GLDC: variants seen among roughly 807,000 people sequenced by gnomAD.
GLDC encodes glycine dehydrogenase (decarboxylating), mitochondrial.
In GLDC, 104 loss-of-function variants were observed where a neutral mutation model predicts 121.3. The ratio of observed to expected loss-of-function variants is 0.86; its 90% confidence interval spans 0.73 to 1.01. GLDC has a LOEUF of 1.01. Among genes scored for constraint, GLDC ranks in the 50% least tolerant of loss-of-function variants. GLDC has a pLI of 0.00. For synonymous variants in GLDC, 546 were observed against 480.6 expected (o/e 1.14, Z -1.78); for missense variants, 1,429 against 1,306.6 (o/e 1.09, Z -1.44).
rs112299567 is a variant in GLDC, at chr9:6,533,061, C to A, written c.3019G>T (p.Val1007Phe). 6.2e-7 allele frequency: 1 copy of A among 1,612,278 alleles called. No homozygotes were observed. The highest frequency in any genetic ancestry group is 8.5e-7 in the Non-Finnish European group (1 of 1,178,300). The change falls in exon 25 of 25, where the codon GTT becomes TTT. Residue 1007 changes from valine (V) to phenylalanine (F), a missense_variant. Transcript: ENST00000321612. ...HLVCTCPPME[V>F]YESPFSEQKR... ...TGTTCAGAAAATGGAGACTCATAAA[C>A]TTCCATGGGTGGGCAGGTACAAACC...
At chr9:6,588,254 A>G in intron 14 of GLDC, 147 bp downstream of exon 14, 1 of 749,278 alleles carries the variant, frequency 1.3e-6, no homozygotes, top group South Asian at 1.4e-5. Context: ...TACTCCCAAG[A>G]TTGGTGAATA....
rs780018765 is a variant in GLDC, at chr9:6,595,045, C to A, written c.1230G>T (p.Arg410Ser). ...ACAAAATCAAAGTGGCATTATGTAC[C>A]CTCCTAGCAATATGCTCCAGCCCAT... ...GSHGLEHIAR[R>S]VHNATLILSE... The change falls in exon 9 of 25, where the codon AGG (arginine) becomes AGT (serine). Residue 410 changes from arginine (R) to serine (S), a missense_variant. Physicochemically the swap from Arg to Ser is moderately radical, Grantham distance 110 (BLOSUM62 -1). Coordinates refer to ENST00000321612, the MANE Select transcript of GLDC (RefSeq NM_000170.3). The A allele has an allele frequency of 1.2e-5, 20 of 1,611,034 alleles. No individual in the cohort carries two copies. Among genetic ancestry groups the A allele is most frequent in the Non-Finnish European group, 1.7e-5 (20 of 1,177,412 alleles).
intron 8 of GLDC, among the ~76,000 whole-genome samples, chr9:6,596,937 G>A (rs1176331784): frequency 1.3e-5 from 2 of 152,198 alleles, no homozygotes; most frequent in East Asian, 1.9e-4. Context: ...AATTTACACA[G>A]AAGTGTTCAC....
At chr9:6,614,080 C>A (rs1444366999) in intron 3 of GLDC, among the ~76,000 whole-genome samples, 1 of 152,010 alleles carries the variant, frequency 6.6e-6, no homozygotes, top group Non-Finnish European at 1.5e-5. Flanking sequence ...AATTATCACG[C>A]CCACCCTGAT....
chr9:6,643,935 G>C (rs1819679640), intron 2 of GLDC, among the ~76,000 whole-genome samples: 1 of 143,364 alleles, frequency 7.0e-6, no homozygotes, highest in Non-Finnish European at 1.5e-5. Context: ...TCAAGAGGCT[G>C]AGGCAGGAGA....
chr9:6,612,141 G>C (rs540473299), intron 3 of GLDC, among the ~76,000 whole-genome samples: 4 of 151,768 alleles, frequency 2.6e-5, no homozygotes, highest in African/African-American at 7.2e-5. Context: ...TGCTAAGCCA[G>C]TCTCTTCAAG....
At chr9:6,566,366 G>A (rs939165551) in intron 15 of GLDC, 1 of 151,968 alleles carries the variant, frequency 6.6e-6, no homozygotes, top group Non-Finnish European at 1.5e-5. Flanking sequence ...TCTTAACAAG[G>A]TTTAAGGAAG....
At chr9:6,629,929 C>CTATA (rs771840710) in intron 2 of GLDC, among the ~76,000 whole-genome samples, 3 of 102,166 alleles carry the variant, frequency 2.9e-5, no homozygotes, top group East Asian at 2.6e-4. Context: ...TTGCTTTTCA[C>CTATA]TATATATATA....
chr9:6,602,305 C>T, intron 7 of GLDC, 100 bp from the exon 8 acceptor site: 2 of 777,016 alleles, frequency 2.6e-6, no homozygotes, highest in Non-Finnish European at 4.5e-6. Flanking sequence ...GAAGTGAATT[C>T]AGCAAATGCA....
intron 21 of GLDC, among the ~76,000 whole-genome samples, chr9:6,550,316 C>G (rs1274762697): frequency 6.6e-6 from 1 of 152,076 alleles, no homozygotes; most frequent in African/African-American, 2.4e-5. Flanking sequence ...ATAGTAATGC[C>G]CCTAAACAGT....
intron 20 of GLDC, among the ~76,000 whole-genome samples, chr9:6,551,876 G>A (rs1024830570): frequency 6.6e-6 from 1 of 152,168 alleles, no homozygotes; most frequent in African/African-American, 2.4e-5. Flanking sequence ...CTTCGACTTT[G>A]TCCAGCCAAC....
intron 23 of GLDC, among the ~76,000 whole-genome samples, chr9:6,535,490 C>T (rs201139080): frequency 6.6e-6 from 1 of 151,886 alleles, no homozygotes; most frequent in Non-Finnish European, 1.5e-5. Context: ...CAGACTTGTT[C>T]TCTGGCTTAC....
intron 21 of GLDC, among the ~76,000 whole-genome samples, chr9:6,548,846 G>T (rs1386966904): frequency 1.3e-5 from 2 of 151,996 alleles, no homozygotes; most frequent in East Asian, 1.9e-4. Flanking sequence ...TTCTCTCAAA[G>T]GTATCTTTGC....
rs141770845 is a variant in GLDC at position 6,545,937 on chromosome 9, A to G, written c.2569+4866T>C. ...ATTATAGGCGTGAGCCACCATGCCCAGCGTACTGTAACTTTTTTACTTTAT... is the reference window on the plus strand; with the variant it reads ...ATTATAGGCGTGAGCCACCATGCCCGGCGTACTGTAACTTTTTTACTTTAT... On this transcript the variant is annotated intron_variant, in intron 21 of 24. Transcript: ENST00000321612. Among the ~76,000 whole-genome samples the G allele has an allele frequency of 3.8e-3, 583 of 152,226 alleles. 5 individuals carry two copies. The highest frequency in any genetic ancestry group is 0.014 in the African/African-American group (563 of 41,558).
intron 2 of GLDC, among the ~76,000 whole-genome samples, chr9:6,641,135 C>G (rs1169622615): frequency 6.6e-6 from 1 of 152,208 alleles, no homozygotes; most frequent in Non-Finnish European, 1.5e-5. Flanking sequence ...GGGGAGCATC[C>G]TTAGTGACTG....
intron 15 of GLDC, among the ~76,000 whole-genome samples, chr9:6,571,905 T>C (rs999426373): frequency 6.6e-5 from 10 of 152,106 alleles, no homozygotes; most frequent in South Asian, 2.1e-4. Context: ...TCCAAACAAA[T>C]ATACCCAACT....
intron 17 of GLDC, among the ~76,000 whole-genome samples, chr9:6,556,622 G>A (rs1190430754): frequency 1.3e-5 from 2 of 151,958 alleles, no homozygotes; most frequent in Non-Finnish European, 2.9e-5. Flanking sequence ...GTGAAACCCC[G>A]TCTCTACTAA....
chr9:6,613,660 G>T (rs901461496), intron 3 of GLDC, among the ~76,000 whole-genome samples: 14 of 152,102 alleles, frequency 9.2e-5, no homozygotes, highest in African/African-American at 3.1e-4. Context: ...GTTCCTTCCA[G>T]TTGAATACTT....
intron 21 of GLDC, among the ~76,000 whole-genome samples, chr9:6,548,378 T>C (rs1342123778): frequency 1.3e-5 from 2 of 152,206 alleles, no homozygotes; most frequent in East Asian, 1.9e-4. Flanking sequence ...GGAGCTAAGC[T>C]AGATTTGAAT....
Sources: gnomAD v4.1 joint callset for allele counts (sites outside exome capture counted in the v4.1 genomes callset) on GRCh38, gnomAD v4.1.1 for gene constraint, MANE v1.5 for transcripts, NCBI Gene and HGNC (gene_info 2026-07-23, HGNC 2026-07-21) for gene names.